The following PCDHA12 variants were observed in gnomAD, a reference collection of about 807,000 sequenced individuals.
PCDHA12 encodes the protein protocadherin alpha 12, also known as protocadherin alpha-12.
Under a neutral mutation model 60.0 loss-of-function variants are expected in PCDHA12, and 44 were observed. That is an observed-to-expected ratio of 0.73 (90% CI 0.58 to 0.94). The LOEUF (loss-of-function observed/expected upper bound fraction) is 0.94, where lower values mean the gene tolerates loss of function less well. Among genes scored for constraint, PCDHA12 ranks in the 40% least tolerant of loss-of-function variants. The pLI, the probability that PCDHA12 is intolerant of heterozygous loss-of-function variation, is 0.00. For synonymous variants in PCDHA12, 569 were observed against 553.0 expected, an observed-to-expected ratio of 1.03 and a Z score of -0.40; for missense variants, 1,276 against 1,239.7, an observed-to-expected ratio of 1.03 and a Z score of -0.44.
chr5:140,922,098 A>G (rs1193331436), intron 1 of PCDHA12, among the ~76,000 whole-genome samples: 2 of 152,176 alleles, frequency 1.3e-5, no homozygotes, highest in Non-Finnish European at 2.9e-5. Context: ...TCTACCAACT[A>G]TAGATAAATG....
intron 3 of PCDHA12, among the ~76,000 whole-genome samples, chr5:140,985,932 G>A (rs1554247524): frequency 6.6e-6 from 1 of 151,798 alleles, no homozygotes; most frequent in African/African-American, 2.4e-5. Flanking sequence ...GTAGAGCCGG[G>A]GTTTCACTGT....
At chr5:140,991,452 C>T (rs1162146299) in intron 3 of PCDHA12, among the ~76,000 whole-genome samples, 3 of 152,184 alleles carry the variant, frequency 2.0e-5, no homozygotes, top group African/African-American at 7.2e-5. Context: ...TAAAACAACA[C>T]AATGTATTAT....
rs147537783 is a variant in PCDHA12 at position 140,982,491 on chromosome 5, G to C, written c.2443G>C (p.Glu815Gln). 1 of 1,614,076 alleles carries C rather than the reference G, an allele frequency of 6.2e-7. No individual in the cohort carries two copies. Among genetic ancestry groups the C allele is most frequent in the African/African-American group, 1.3e-5 (1 of 74,924 alleles). The change falls in exon 3 of 4, where the codon GAG becomes CAG. Residue 815 changes from glutamate to glutamine, a missense_variant. Physicochemically the swap from Glu to Gln is conservative, Grantham distance 29. Coordinates refer to ENST00000398631, the MANE Select transcript of PCDHA12 (RefSeq NM_018903.4). ...TTTATTCAGCTCTGTGCACCTAGAG[G>C]AGGCTGGCATTCTACGGGCTGGTCC... is the stretch of plus-strand genomic sequence containing the variant. ...AGMHSSVHLE[E>Q]AGILRAGPGG...
intron 1 of PCDHA12, among the ~76,000 whole-genome samples, chr5:140,944,191 G>A (rs181232402): frequency 6.6e-6 from 1 of 151,980 alleles, no homozygotes. Flanking sequence ...GGTTTGTTTT[G>A]TTTTGTTTTG....
intron 1 of PCDHA12, among the ~76,000 whole-genome samples, chr5:140,965,496 AT>A (rs71766133): frequency 0.14 from 20,233 of 145,920 alleles, 1,374 homozygotes; most frequent in Middle Eastern, 0.21. Flanking sequence ...ATGACAGCAG[AT>A]TTTTTTTTTT....
At chr5:140,969,309 A>G in intron 1 of PCDHA12, 2 of 1,614,212 alleles carry the variant, frequency 1.2e-6, no homozygotes, top group Non-Finnish European at 1.7e-6. Context: ...ATTCTCAAAA[A>G]TGAGGCTGTT....
chr5:140,904,335 C>T (rs142753502), intron 1 of PCDHA12, among the ~76,000 whole-genome samples: 2,168 of 152,034 alleles, frequency 0.014, 62 homozygotes, highest in African/African-American at 0.05. Flanking sequence ...TCTCCAGTTC[C>T]ATCCAGGTTG....
chr5:140,950,071 T>C (rs560042578), intron 1 of PCDHA12, among the ~76,000 whole-genome samples: 20 of 152,098 alleles, frequency 1.3e-4, no homozygotes, highest in African/African-American at 4.8e-4. Context: ...TCCTGTGCCA[T>C]TGCTTATGCT....
At chr5:140,882,732 A>C in intron 1 of PCDHA12, 1 of 1,614,228 alleles carries the variant, frequency 6.2e-7, no homozygotes, top group Non-Finnish European at 8.5e-7. Context: ...TTTCCACTAG[A>C]TGGCGCATCC....
chr5:140,928,501 G>A, intron 1 of PCDHA12: 1 of 1,614,184 alleles, frequency 6.2e-7, no homozygotes. Flanking sequence ...TCCCAGAAGT[G>A]CAACAGTGAC....
rs781931363 is a variant in PCDHA12 at position 140,877,326 on chromosome 5, G to C, written c.1854G>C (p.Ala618=). The part of the protein sequence containing the change: ...SYELQPAAVG[A]HIPFHVGLYT... ...AGTTGCAACCGGCGGCGGTCGGCGC[G>C]CACATCCCGTTCCACGTGGGGCTGT... The change falls in exon 1 of 4, where the codon GCG becomes GCC. Residue 618 remains alanine (A), a synonymous_variant. Transcript: ENST00000398631. 1.9e-6 allele frequency: 3 copies of C among 1,613,964 alleles called. No homozygotes were observed.
In PCDHA12 at chr5:140,877,767, C is replaced by T; in HGVS notation, c.2295C>T (p.Pro765=). 1 of 1,614,166 alleles carries T rather than the reference C, an allele frequency of 6.2e-7. No individual in the cohort carries two copies. Among genetic ancestry groups the T allele is most frequent in the Non-Finnish European group, 8.5e-7 (1 of 1,180,028 alleles). ...GGGTGTGCTCTGCAGAGAGCCCGCC[C>T]AAGACGGACCTCATGGCCTTCAGCC... ...RQRVCSAESP[P]KTDLMAFSPS... The change falls in exon 1 of 4, where the codon CCC becomes CCT. Residue 765 remains proline, a synonymous_variant. Coordinates refer to ENST00000398631, the MANE Select transcript of PCDHA12 (RefSeq NM_018903.4).
chr5:140,976,378 C>G (rs908008970), intron 1 of PCDHA12, among the ~76,000 whole-genome samples: 2 of 151,926 alleles, frequency 1.3e-5, no homozygotes, highest in Non-Finnish European at 2.9e-5. Flanking sequence ...TGGTGAAACC[C>G]CATCTCTACT....
At chr5:140,992,805 A>G (rs2097529327) in intron 3 of PCDHA12, among the ~76,000 whole-genome samples, 1 of 152,078 alleles carries the variant, frequency 6.6e-6, no homozygotes, top group Non-Finnish European at 1.5e-5. Flanking sequence ...ATCCATATGT[A>G]TCTAAGGATG....
intron 1 of PCDHA12, among the ~76,000 whole-genome samples, chr5:140,936,528 T>C (rs2091012406): frequency 6.6e-6 from 1 of 152,244 alleles, no homozygotes; most frequent in Non-Finnish European, 1.5e-5. Flanking sequence ...TGAAATTGCT[T>C]TTGAATATAG....
chr5:140,889,983 T>C (rs1347862441), intron 1 of PCDHA12, among the ~76,000 whole-genome samples: 1 of 152,208 alleles, frequency 6.6e-6, no homozygotes, highest in Non-Finnish European at 1.5e-5. Flanking sequence ...TCTCCAGTTG[T>C]CTTAGCTTTC....
At chr5:140,882,252 G>C (rs782433822) in intron 1 of PCDHA12, 1 of 1,597,600 alleles carries the variant, frequency 6.3e-7, no homozygotes, top group Non-Finnish European at 8.5e-7. Context: ...ATAGCTCTGA[G>C]GTTTTTGGAG....
chr5:140,983,039 A>C (rs1554245052), intron 3 of PCDHA12, among the ~76,000 whole-genome samples: 1 of 152,036 alleles, frequency 6.6e-6, no homozygotes, highest in Non-Finnish European at 1.5e-5. Flanking sequence ...TTTCTCATGG[A>C]AGTGGAAAAT....
intron 1 of PCDHA12, among the ~76,000 whole-genome samples, chr5:140,886,331 G>A (rs910332577): frequency 6.6e-6 from 1 of 151,936 alleles, no homozygotes; most frequent in Admixed American, 6.6e-5. Flanking sequence ...TGGGATACAT[G>A]TGCAGAACGT....
Sources: allele counts gnomAD v4.1 joint callset (sites outside exome capture counted in the v4.1 genomes callset), GRCh38; gene constraint gnomAD v4.1.1; transcripts MANE v1.5; gene names NCBI Gene and HGNC (gene_info 2026-07-23, HGNC 2026-07-21).